The following EYS variants were observed in gnomAD, a reference collection of about 807,000 sequenced individuals.
The protein encoded by EYS is protein eyes shut homolog.
EYS carries 250 observed loss-of-function variants against 282.1 expected under a neutral mutation model. The ratio of observed to expected loss-of-function variants is 0.89; its 90% CI spans 0.80 to 0.98. EYS has a LOEUF of 0.98. Among genes scored for constraint, EYS ranks in the 50% least tolerant of loss-of-function variants. EYS has a pLI of 0.00. For missense variants in EYS, 4,016 were observed against 3,709.0 expected (o/e 1.08, Z -2.15); for synonymous variants, 1,355 against 1,282.9 (o/e 1.06, Z -1.20).
intron 36 of EYS, among the ~76,000 whole-genome samples, chr6:63,839,903 T>C (rs1771907220): frequency 6.6e-6 from 1 of 152,200 alleles, no homozygotes; most frequent in Admixed American, 6.5e-5. Context: ...AATAACCATT[T>C]TAACTGGGGT....
At chr6:65,491,982 T>C (rs1212028024) in intron 4 of EYS, among the ~76,000 whole-genome samples, 1 of 152,136 alleles carries the variant, frequency 6.6e-6, no homozygotes, top group Middle Eastern at 3.4e-3. Flanking sequence ...ACCAAGCAAA[T>C]AGATCTCAGA....
chr6:64,599,468 A>T (rs935216378), intron 24 of EYS, among the ~76,000 whole-genome samples: 4 of 152,202 alleles, frequency 2.6e-5, no homozygotes, highest in Admixed American at 2.6e-4. Context: ...TCCTATCAAT[A>T]AAATAGAAAT....
intron 32 of EYS, among the ~76,000 whole-genome samples, chr6:64,070,172 T>C (rs1771521815): frequency 6.6e-6 from 1 of 152,112 alleles, no homozygotes; most frequent in African/African-American, 2.4e-5. Context: ...CAGTGTGGAA[T>C]CTAAAAGTGT....
chr6:64,904,344 C>T (rs1223166831), intron 16 of EYS, among the ~76,000 whole-genome samples: 1 of 152,146 alleles, frequency 6.6e-6, no homozygotes, highest in Non-Finnish European at 1.5e-5. Flanking sequence ...GTATCCTCAG[C>T]TTTAGGAACA....
chr6:65,633,491 C>T (rs981962194), intron 2 of EYS, among the ~76,000 whole-genome samples: 6 of 152,050 alleles, frequency 3.9e-5, no homozygotes, highest in South Asian at 4.2e-4. Flanking sequence ...TAGAGGTAGG[C>T]GAAGTAGGTT....
At chr6:65,020,767 G>A (rs1772228093) in intron 13 of EYS, among the ~76,000 whole-genome samples, 1 of 152,148 alleles carries the variant, frequency 6.6e-6, no homozygotes, top group Non-Finnish European at 1.5e-5. Flanking sequence ...ACCTCTGCCT[G>A]GACATCCAGA....
intron 14 of EYS, among the ~76,000 whole-genome samples, chr6:64,975,254 C>A (rs996121545): frequency 6.6e-6 from 1 of 151,518 alleles, no homozygotes; most frequent in Non-Finnish European, 1.5e-5. Flanking sequence ...TTTGACAACA[C>A]CCGCCTGTAT....
At chr6:64,332,863 T>A (rs1376349045) in intron 29 of EYS, among the ~76,000 whole-genome samples, 1 of 152,216 alleles carries the variant, frequency 6.6e-6, no homozygotes, top group South Asian at 2.1e-4. Flanking sequence ...TTGTACTGAT[T>A]ATTTTACTGT....
intron 12 of EYS, among the ~76,000 whole-genome samples, chr6:65,176,651 G>A (rs1372037163): frequency 6.6e-6 from 1 of 151,560 alleles, no homozygotes; most frequent in African/African-American, 2.4e-5. Context: ...TAAAGTCTAT[G>A]TGAAAAGTGA....
chr6:63,735,583 T>G (rs1768890320), intron 41 of EYS, among the ~76,000 whole-genome samples: 1 of 152,022 alleles, frequency 6.6e-6, no homozygotes, highest in South Asian at 2.1e-4. Flanking sequence ...TCCTACAACT[T>G]CTAAACATTC....
intron 5 of EYS, among the ~76,000 whole-genome samples, chr6:65,444,308 C>T (rs556317185): frequency 1.3e-5 from 2 of 152,030 alleles, no homozygotes; most frequent in African/African-American, 4.8e-5. Flanking sequence ...GACAACAACA[C>T]AGTGCTAACT....
rs1771978081 is a variant in EYS, at chr6:63,842,157, T to G, written c.7228+22029A>C. On this transcript the variant is annotated intron_variant, in intron 36 of 42. Transcript: ENST00000503581. ...AGATTGCTGGGTCAAATGGTATATC[T>G]AGTTCTAGATCCTTGAGGAATCCCC... Among the ~76,000 whole-genome samples, 5 of 152,238 alleles carry G rather than the reference T, an allele frequency of 3.3e-5. No individual in the cohort carries two copies. The South Asian group carries it at 1.0e-3, about 31-fold the overall frequency.
chr6:64,549,335 A>C (rs1282947354), intron 26 of EYS, among the ~76,000 whole-genome samples: 1 of 152,174 alleles, frequency 6.6e-6, no homozygotes, highest in African/African-American at 2.4e-5. Context: ...TATTTGTCAA[A>C]GAATGCAACT....
chr6:64,139,153 A>G (rs1438134137), intron 31 of EYS, among the ~76,000 whole-genome samples: 1 of 152,174 alleles, frequency 6.6e-6, no homozygotes, highest in Admixed American at 6.5e-5. Flanking sequence ...GCATAATACT[A>G]TAAGAAAATG....
chr6:64,200,758 CATTAGTATTGATA>C (rs886231552), intron 31 of EYS, among the ~76,000 whole-genome samples: 47 of 152,054 alleles, frequency 3.1e-4, no homozygotes, highest in African/African-American at 7.0e-4. Flanking sequence ...TGCGAGCTTA[CATTAGTATTGATA>C]ATTTGTATTA....
Position 65,335,637 on chromosome 6 carries a change from TTACA to T in EYS, c.1600-495_1600-492del, listed in dbSNP as rs542143308. ...CTTCAAAGAGAACATGGGATGTATG[TTACA>T]TACATGTTTACTCATTGAACATGTG... On this transcript the variant is annotated intron_variant, in intron 10 of 42. Transcript: ENST00000503581. Among the ~76,000 whole-genome samples the T allele has an allele frequency of 3.4e-3, 514 of 151,812 alleles. 2 individuals are homozygous for T. The highest frequency in any genetic ancestry group is 3.9e-3 in the Non-Finnish European group (261 of 67,792).
chr6:64,894,429 A>G (rs773183721), intron 18 of EYS, among the ~76,000 whole-genome samples: 43 of 152,152 alleles, frequency 2.8e-4, no homozygotes, highest in Non-Finnish European at 5.9e-5. Context: ...AGGCTAACTG[A>G]TGACGGGGTT....
At chr6:63,784,419 A>G (rs1770314405) in intron 39 of EYS, among the ~76,000 whole-genome samples, 1 of 152,190 alleles carries the variant, frequency 6.6e-6, no homozygotes, top group African/African-American at 2.4e-5. Flanking sequence ...GTGTTAGTCC[A>G]TTCTCACATT....
chr6:65,584,406 C>A (rs1480116861), intron 2 of EYS, among the ~76,000 whole-genome samples: 1 of 152,000 alleles, frequency 6.6e-6, no homozygotes, highest in Non-Finnish European at 1.5e-5. Context: ...CATTAGGAGA[C>A]CCTAGAACAG....
Sources: gnomAD v4.1 joint callset for allele counts (sites outside exome capture counted in the v4.1 genomes callset) on GRCh38, gnomAD v4.1.1 for gene constraint, MANE v1.5 for transcripts, NCBI Gene and HGNC (gene_info 2026-07-23, HGNC 2026-07-21) for gene names.